ZFHX3: variants seen among roughly 807,000 people sequenced by gnomAD.
ZFHX3 encodes the protein zinc finger homeobox protein 3.
A neutral mutation model predicts 279.1 loss-of-function variants in ZFHX3; 42 were observed. The ratio of observed to expected loss-of-function variants is 0.15; its 90% CI spans 0.12 to 0.19. The LOEUF (loss-of-function observed/expected upper bound fraction) is 0.19. Among genes scored for constraint, ZFHX3 ranks in the 10% least tolerant of loss-of-function variants. The pLI, the probability that ZFHX3 is intolerant of heterozygous loss-of-function variation, is 1.00. For synonymous variants in ZFHX3, 2,293 were observed against 1,957.8 expected (o/e 1.17, Z -4.52); for missense variants, 4,981 against 4,754.0 (o/e 1.05, Z -1.40).
chr16:72,787,405 G>T lies in ZFHX3; in HGVS notation c.10871C>A (p.Ala3624Asp), dbSNP rs746504791. The T allele has an allele frequency of 1.9e-6, 3 of 1,593,712 alleles. No homozygotes were observed. In the African/African-American group the frequency reaches 4.1e-5, roughly 22 times the overall value. The change falls in exon 10 of 10, where the codon GCT becomes GAT. Residue 3624 changes from alanine (A) to aspartate (D), a missense_variant. Physicochemically the swap from Ala to Asp is moderately radical, Grantham distance 126 (BLOSUM62 -2). Around this residue, in one of 7 missense-constraint regions of ZFHX3, gnomAD observed 1,034 missense variants for 786.0 expected, o/e 1.32. Coordinates refer to ENST00000268489, the MANE Select transcript of ZFHX3 (RefSeq NM_006885.4). Reference sequence around the variant, plus strand: ...AAAAGAAGGGGGCTTCGCTGCCGAAGCCCGGGAGACCACTTGCGGCCAAGA... The same window carrying T: ...AAAAGAAGGGGGCTTCGCTGCCGAATCCCGGGAGACCACTTGCGGCCAAGA... ...RKSWPQVVSR[A>D]SAAKPPSFPP...
In ZFHX3 at chr16:73,221,796, TAA is replaced by T. The variant is rs966950405; in HGVS notation, c.-1104+35249_-1104+35250del. The stretch of plus-strand genomic sequence containing the variant: ...TGTAAACTATAAAGTACTATTCAAA[TAA>T]AAAGACCCTCTATTGTACACATTCT... On this transcript the variant is annotated intron_variant, in intron 5 of 17. Transcript: ENST00000641206. 9.9e-5 allele frequency among the ~76,000 whole-genome samples: 15 copies of T among 152,150 alleles called. No homozygotes were observed. The East Asian group carries it at 1.5e-3, about 16-fold the overall frequency.
chr16:73,755,883 G>A (rs574346156), intron 1 of ZFHX3, among the ~76,000 whole-genome samples: 87 of 152,334 alleles, frequency 5.7e-4, no homozygotes, highest in African/African-American at 1.7e-3. Context: ...AAATGATGGT[G>A]GAACTTGTCA....
chr16:72,858,936 C>T (rs2037817272), intron 4 of ZFHX3, among the ~76,000 whole-genome samples: 1 of 152,188 alleles, frequency 6.6e-6, no homozygotes, highest in South Asian at 2.1e-4. Flanking sequence ...AAAGCTGTGC[C>T]CAGCTCAACT....
chr16:73,456,036 C>A (rs560988816), exon 3 of ZFHX3: 1 of 152,204 alleles, frequency 6.6e-6, no homozygotes, highest in Admixed American at 6.5e-5. Context: ...TCCTCCAGTC[C>A]TGGAGACCAT....
intron 3 of ZFHX3, among the ~76,000 whole-genome samples, chr16:73,320,570 G>A (rs1427289009): frequency 6.6e-6 from 1 of 152,126 alleles, no homozygotes; most frequent in African/African-American, 2.4e-5. Flanking sequence ...TCGAAAGGGT[G>A]GTGATATTTC....
rs1386475796 is a variant in ZFHX3, at chr16:72,957,778, A to G, written c.2368T>C (p.Cys790Arg). 6.2e-7 allele frequency: 1 copy of G among 1,614,016 alleles called. No individual in the cohort carries two copies. Among genetic ancestry groups the G allele is most frequent in the Admixed American group, 1.7e-5 (1 of 60,022 alleles). ...AAAAANISSS[C>R]GAPSPTKPKT... Reference sequence around the variant, plus strand: ...GGTTTGGTCGGCGAGGGGGCCCCGCAGGAGCTACTGATATTGGCTGCCGCC... The same window carrying G: ...GGTTTGGTCGGCGAGGGGGCCCCGCGGGAGCTACTGATATTGGCTGCCGCC... The change falls in exon 2 of 10, where the codon TGC becomes CGC. Residue 790 changes from cysteine (C) to arginine (R), a missense_variant. Transcript: ENST00000268489.
chr16:73,724,657 ACTGGAGAGAAGCTAGCCCCAAATTCCT>A (rs1159915725), intron 1 of ZFHX3, among the ~76,000 whole-genome samples: 1 of 152,204 alleles, frequency 6.6e-6, no homozygotes, highest in Non-Finnish European at 1.5e-5. Context: ...TGTCTAGGGC[ACTGGAGAGAAGCTAGCCCCAAATTCCT>A]CTGCCTAGCA....
intron 3 of ZFHX3, among the ~76,000 whole-genome samples, chr16:72,907,018 T>C (rs971367779): frequency 1.3e-5 from 2 of 152,130 alleles, no homozygotes; most frequent in African/African-American, 2.4e-5. Flanking sequence ...CCGTGCTTTC[T>C]CCCGGGGCTA....
At chr16:73,297,619 C>T (rs1486366698) in intron 4 of ZFHX3, among the ~76,000 whole-genome samples, 1 of 151,986 alleles carries the variant, frequency 6.6e-6, no homozygotes, top group East Asian at 1.9e-4. Flanking sequence ...AAACGGGACA[C>T]ATGTAGCCCT....
chr16:73,861,615 G>T (rs1230967522), intron 1 of ZFHX3, among the ~76,000 whole-genome samples: 1 of 152,064 alleles, frequency 6.6e-6, no homozygotes, highest in Non-Finnish European at 1.5e-5. Flanking sequence ...TCCCAGTAGT[G>T]GGCCATTGGC....
intron 2 of ZFHX3, among the ~76,000 whole-genome samples, chr16:73,664,731 C>T: frequency 6.6e-6 from 1 of 152,180 alleles, no homozygotes; most frequent in South Asian, 2.1e-4. Flanking sequence ...AGAGCTACCA[C>T]CTGGTTACAG....
At chr16:73,734,798 T>C (rs2053595826) in intron 1 of ZFHX3, among the ~76,000 whole-genome samples, 2 of 152,178 alleles carry the variant, frequency 1.3e-5, no homozygotes, top group South Asian at 4.1e-4. Context: ...ATGTGAAACA[T>C]GCTAAGAAAC....
Position 73,275,984 on chromosome 16 carries a change from TG to T in ZFHX3, c.-1193-18849del, listed in dbSNP as rs138806449. ...GAAAGTTAGGGGCGGTCAAGAGTGA[TG>T]GGGGGGGACAGGGAAGGATGATATT... On this transcript the variant is annotated intron_variant, in intron 4 of 17. Coordinates refer to the ZFHX3 transcript ENST00000641206. Among the ~76,000 whole-genome samples the T allele has an allele frequency of 1.4e-3, 210 of 151,192 alleles. 3 individuals carry two copies. In the East Asian group the frequency reaches 0.035, roughly 25 times the overall value.
At chr16:73,297,863 T>G (rs1044716521) in intron 4 of ZFHX3, among the ~76,000 whole-genome samples, 1 of 151,866 alleles carries the variant, frequency 6.6e-6, no homozygotes, top group Non-Finnish European at 1.5e-5. Context: ...CTTAGCACAG[T>G]TCCTGGCACA....
At chr16:73,628,078 C>A (rs1258003898) in intron 2 of ZFHX3, among the ~76,000 whole-genome samples, 2 of 152,130 alleles carry the variant, frequency 1.3e-5, no homozygotes, top group African/African-American at 4.8e-5. Flanking sequence ...CAGATCCTAG[C>A]ACAATGGTAT....
At chr16:73,463,793 T>C (rs1231351676) in intron 2 of ZFHX3, among the ~76,000 whole-genome samples, 1 of 152,160 alleles carries the variant, frequency 6.6e-6, no homozygotes, top group Non-Finnish European at 1.5e-5. Context: ...TGCAGTGCAC[T>C]AAACAGAAGG....
chr16:72,864,320 G>A (rs957617297), intron 4 of ZFHX3, among the ~76,000 whole-genome samples: 4 of 152,056 alleles, frequency 2.6e-5, no homozygotes, highest in East Asian at 1.9e-4. Context: ...TGTCTCTAGG[G>A]CTTTGAAGAT....
intron 2 of ZFHX3, among the ~76,000 whole-genome samples, chr16:73,665,910 G>A (rs1407299337): frequency 2.0e-5 from 3 of 147,666 alleles, no homozygotes; most frequent in Non-Finnish European, 4.4e-5. Flanking sequence ...CTGCCTCCCG[G>A]GTTCATGCCA....
intron 2 of ZFHX3, among the ~76,000 whole-genome samples, chr16:73,475,992 G>C (rs1271888043): frequency 1.3e-5 from 2 of 152,036 alleles, no homozygotes; most frequent in African/African-American, 4.8e-5. Flanking sequence ...TCTTCCCAGA[G>C]GTTAAGGTAT....
Sources: gnomAD v4.1 joint callset for allele counts (sites outside exome capture counted in the v4.1 genomes callset) on GRCh38, gnomAD v4.1.1 for gene constraint, gnomAD v4.1.1 regional missense constraint, MANE v1.5 for transcripts, NCBI Gene and HGNC (gene_info 2026-07-23, HGNC 2026-07-21) for gene names.